MCTP1: variants seen among roughly 807,000 people sequenced by gnomAD.
MCTP1 encodes multiple C2 and transmembrane domain-containing protein 1.
A neutral mutation model predicts 120.6 loss-of-function variants in MCTP1; 69 were observed. The ratio of observed to expected loss-of-function variants is 0.57; its 90% CI spans 0.47 to 0.70. The LOEUF (loss-of-function observed/expected upper bound fraction) is 0.70, where lower values mean the gene tolerates loss of function less well. MCTP1 is among the 30% of genes least tolerant of loss of function. The probability of loss-of-function intolerance (pLI) is 0.00; values close to 1 mark genes in which losing one functional copy is unlikely to be tolerated. For synonymous variants in MCTP1, 529 were observed against 493.1 expected, an observed-to-expected ratio of 1.07 and a Z score of -0.96; for missense variants, 1,203 against 1,248.8, an observed-to-expected ratio of 0.96 and a Z score of 0.55.
At chr5:94,825,431 G>A (rs1328651650) in intron 17 of MCTP1, among the ~76,000 whole-genome samples, 3 of 152,072 alleles carry the variant, frequency 2.0e-5, no homozygotes, top group African/African-American at 7.2e-5. Context: ...CTGTTCTTTT[G>A]CATTTGCTGA....
intron 12 of MCTP1, among the ~76,000 whole-genome samples, chr5:94,883,240 C>T (rs528354017): frequency 2.6e-5 from 4 of 152,002 alleles, no homozygotes; most frequent in East Asian, 1.9e-4. Context: ...GGTATATTAC[C>T]GTGATAAGAA....
At chr5:94,720,051 G>T (rs144597386) in intron 19 of MCTP1, among the ~76,000 whole-genome samples, 2,454 of 152,056 alleles carry the variant, frequency 0.016, 69 homozygotes, top group African/African-American at 0.055. Context: ...GCTTGAACCT[G>T]GGAGGCAGAG....
chr5:95,119,025 G>A (rs1206136186), intron 1 of MCTP1, among the ~76,000 whole-genome samples: 3 of 152,164 alleles, frequency 2.0e-5, no homozygotes, highest in Non-Finnish European at 4.4e-5. Flanking sequence ...CTGCACTACA[G>A]AACACATGGA....
chr5:95,170,648 C>T (rs537705525), intron 1 of MCTP1, among the ~76,000 whole-genome samples: 1 of 152,158 alleles, frequency 6.6e-6, no homozygotes, highest in African/African-American at 2.4e-5. Flanking sequence ...TGAATTGATC[C>T]CTTTACCATT....
chr5:94,796,641 A>ATTAT (rs1780119212), intron 18 of MCTP1, among the ~76,000 whole-genome samples: 1 of 138,082 alleles, frequency 7.2e-6, no homozygotes, highest in African/African-American at 2.7e-5. Flanking sequence ...TTATATATGT[A>ATTAT]ATATATATTA....
Position 95,283,938 on chromosome 5 carries a change from G to A in MCTP1, c.638C>T (p.Pro213Leu). The A allele has an allele frequency of 7.1e-7, 1 of 1,403,174 alleles. No homozygotes were observed. Among genetic ancestry groups the A allele is most frequent in the Non-Finnish European group, 9.2e-7 (1 of 1,085,656 alleles). The allele number at this position is 1,403,174 out of a possible 1,614,324, so 86.9% of individuals were successfully genotyped here. The change falls in exon 1 of 23, where the codon CCG (proline) becomes CTG (leucine). Residue 213 changes from proline to leucine, a missense_variant. Physicochemically the swap from Pro to Leu is moderately conservative, Grantham distance 98. Coordinates refer to ENST00000515393, the MANE Select transcript of MCTP1 (RefSeq NM_024717.7). The stretch of plus-strand genomic sequence containing the variant: ...CGCCGGCTCTGCGGGAGGAGGCGGC[G>A]GCTCCAGCAGCTGCTCCAGGCAGGC... ...GTACLEQLLE[P>L]PPPPAEPARS...
intron 8 of MCTP1, among the ~76,000 whole-genome samples, chr5:94,913,603 A>G (rs942251588): frequency 2.0e-5 from 3 of 152,218 alleles, no homozygotes; most frequent in Admixed American, 2.0e-4. Context: ...ACAAATATTT[A>G]AAATGTTTAA....
chr5:95,047,356 T>C (rs1041179480), intron 1 of MCTP1, among the ~76,000 whole-genome samples: 1 of 152,162 alleles, frequency 6.6e-6, no homozygotes, highest in African/African-American at 2.4e-5. Context: ...TGCTGCTCCC[T>C]GGCTGAATGT....
At position 95,026,902 on chromosome 5, in the gene MCTP1, T is replaced by C. The variant is rs142318065; in HGVS notation, c.721-9418A>G. On this transcript the variant is annotated intron_variant, in intron 1 of 22. Coordinates refer to ENST00000515393, the MANE Select transcript of MCTP1 (RefSeq NM_024717.7). The stretch of plus-strand genomic sequence containing the variant: ...TTTAGCAATGTTGTCAAAGATATCA[T>C]TGAAGATTTCTACTTAGTCATGACC... Among the ~76,000 whole-genome samples, 252 of 152,360 alleles carry C rather than the reference T, an allele frequency of 1.7e-3. 2 individuals are homozygous for C. The highest frequency in any genetic ancestry group is 4.9e-3 in the African/African-American group (203 of 41,582).
In MCTP1 at chr5:94,779,112, T is replaced by C. The variant is rs1238303695; in HGVS notation, c.2608A>G (p.Lys870Glu). Residue 870 changes from lysine (K) to glutamate (E), a missense_variant and splice_region_variant, in exon 19 of 23, where the codon AAG becomes GAG. Physicochemically the swap from Lys to Glu is moderately conservative, Grantham distance 56 (BLOSUM62 1). Transcript: ENST00000515393. ...CAAGTGCTGGGAAAGATAATTACCT[T>C]GTCATCTTTGTCATCTTCTTCTTCC... is the stretch of plus-strand genomic sequence containing the variant. ...DEEEEDDKDDKDSEKKGFINK... is the reference protein window; with the variant it reads ...DEEEEDDKDDEDSEKKGFINK... The C allele has an allele frequency of 2.5e-6, 4 of 1,612,196 alleles. No homozygotes were observed. In the South Asian group the frequency reaches 3.3e-5, roughly 13 times the overall value.
chr5:95,269,848 C>T (rs1171975814), intron 1 of MCTP1, among the ~76,000 whole-genome samples: 1 of 152,248 alleles, frequency 6.6e-6, no homozygotes, highest in African/African-American at 2.4e-5. Context: ...GCAACTAACA[C>T]TATCTCTTTG....
intron 19 of MCTP1, among the ~76,000 whole-genome samples, chr5:94,756,577 T>G (rs560086063): frequency 6.6e-6 from 1 of 152,288 alleles, no homozygotes; most frequent in East Asian, 1.9e-4. Context: ...CGAAACTCCC[T>G]TTTTCTACCA....
At chr5:94,834,399 CAT>C (rs1401753653) in intron 17 of MCTP1, among the ~76,000 whole-genome samples, 1 of 152,120 alleles carries the variant, frequency 6.6e-6, no homozygotes, top group Non-Finnish European at 1.5e-5. Flanking sequence ...TATCAAGACA[CAT>C]ATATTTTTTA....
At chr5:95,162,417 G>A (rs1399867867) in intron 1 of MCTP1, among the ~76,000 whole-genome samples, 1 of 152,090 alleles carries the variant, frequency 6.6e-6, no homozygotes, top group African/African-American at 2.4e-5. Context: ...CCATAGAAAG[G>A]AAACAGACTG....
At chr5:95,153,132 G>A (rs896520542) in intron 1 of MCTP1, among the ~76,000 whole-genome samples, 5 of 152,026 alleles carry the variant, frequency 3.3e-5, no homozygotes, top group Admixed American at 1.3e-4. Context: ...TTGATGGAGG[G>A]ACTAGTTGGG....
chr5:95,233,420 C>T (rs886486684), intron 1 of MCTP1, among the ~76,000 whole-genome samples: 2 of 151,898 alleles, frequency 1.3e-5, no homozygotes, highest in Admixed American at 6.6e-5. Context: ...ACTCTGCCTC[C>T]TGGGTTCATG....
intron 18 of MCTP1, chr5:94,784,852 CAG>C (rs1227777515): frequency 1.3e-5 from 2 of 151,886 alleles, no homozygotes; most frequent in African/African-American, 4.8e-5. Flanking sequence ...CTGATTTTTA[CAG>C]AGACACTCAA....
Position 94,929,695 on chromosome 5 carries a change from A to T in MCTP1, c.1212+2258T>A, listed in dbSNP as rs566496671. 6.8e-5 allele frequency: 67 copies of T among 985,012 alleles called. No homozygotes were observed. The African/African-American group carries it at 1.1e-3, about 16-fold the overall frequency. The allele number at this position is 985,012 out of a possible 1,614,324, so 61.0% of individuals were successfully genotyped here. A position where few individuals can be genotyped will look rare whatever the true frequency, so the allele number is the denominator to read the frequency against. ...TCAGGGAGCAGTTTCAATGTAGCAGAGTGTGTGAAGGAAGGTGGACTAGCT... is the reference window on the plus strand; with the variant it reads ...TCAGGGAGCAGTTTCAATGTAGCAGTGTGTGTGAAGGAAGGTGGACTAGCT... On this transcript the variant is annotated intron_variant, in intron 6 of 22. Transcript: ENST00000515393.
chr5:95,132,596 G>A (rs908248005), intron 1 of MCTP1, among the ~76,000 whole-genome samples: 7 of 152,102 alleles, frequency 4.6e-5, no homozygotes, highest in East Asian at 1.9e-4. Flanking sequence ...CTGACTCGTC[G>A]GCTCTGCAGT....
Sources: allele counts gnomAD v4.1 joint callset (sites outside exome capture counted in the v4.1 genomes callset), GRCh38; gene constraint gnomAD v4.1.1; transcripts MANE v1.5; gene names NCBI Gene and HGNC (gene_info 2026-07-23, HGNC 2026-07-21).